The following CRYBG1 variants were observed in gnomAD, a reference collection of about 807,000 sequenced individuals.
The protein encoded by CRYBG1 is crystallin beta-gamma domain containing 1.
In CRYBG1, 139 loss-of-function variants were observed where a neutral mutation model predicts 189.2. That is an observed-to-expected ratio of 0.73 (90% CI 0.64 to 0.85). CRYBG1 has a LOEUF of 0.85. Among genes scored for constraint, CRYBG1 ranks in the 40% least tolerant of loss-of-function variants. The pLI is 0.00. For missense variants in CRYBG1, 2,611 were observed against 2,675.8 expected (o/e 0.98, Z 0.53); for synonymous variants, 1,023 against 1,017.1 (o/e 1.01, Z -0.11).
intron 1 of CRYBG1, among the ~76,000 whole-genome samples, chr6:106,399,654 CT>C (rs1178680070): frequency 1.1e-5 from 1 of 92,436 alleles, no homozygotes; most frequent in African/African-American, 4.4e-5. Flanking sequence ...TTTAGTTTTT[CT>C]TTCTTTTTTT....
At chr6:106,480,312 C>T (rs936402823) in intron 2 of CRYBG1, among the ~76,000 whole-genome samples, 2 of 151,986 alleles carry the variant, frequency 1.3e-5, no homozygotes, top group Non-Finnish European at 2.9e-5. Flanking sequence ...TGCTGGCTGG[C>T]CCTGTGACTA....
chr6:106,427,676 T>A lies in CRYBG1; in HGVS notation c.174-24018T>A, dbSNP rs1049134429. Among the ~76,000 whole-genome samples, 116 of 152,318 alleles carry A rather than the reference T, an allele frequency of 7.6e-4. 1 individual carries two copies. The highest frequency in any genetic ancestry group is 2.8e-3 in the African/African-American group (116 of 41,556). On this transcript the variant is annotated intron_variant, in intron 1 of 21. Coordinates refer to ENST00000633556, the MANE Select transcript of CRYBG1 (RefSeq NM_001371242.2). ...CTATGTATTAGAGAGATTCTTTTAT[T>A]TTTTTAATTAAAAAACATTTTTTTC...
At chr6:106,558,676 G>C (rs1197503372) in intron 18 of CRYBG1, 51 bp downstream of exon 18, 1 of 1,510,820 alleles carries the variant, frequency 6.6e-7, no homozygotes, top group South Asian at 1.3e-5. Flanking sequence ...TAAAAATCAA[G>C]TTTGGGCTGG....
At chr6:106,539,751 G>C (rs1032489306) in intron 9 of CRYBG1, among the ~76,000 whole-genome samples, 1 of 150,442 alleles carries the variant, frequency 6.6e-6, no homozygotes, top group African/African-American at 2.4e-5. Flanking sequence ...TTGTCTTTAA[G>C]GCATTCTCAG....
intron 1 of CRYBG1, among the ~76,000 whole-genome samples, chr6:106,386,808 A>G (rs969478202): frequency 1.3e-5 from 2 of 152,200 alleles, no homozygotes; most frequent in African/African-American, 4.8e-5. Flanking sequence ...CTTGCCTGTC[A>G]TTCACTTCCT....
chr6:106,378,117 C>A (rs1012801290), intron 1 of CRYBG1, among the ~76,000 whole-genome samples: 2 of 152,090 alleles, frequency 1.3e-5, no homozygotes, highest in African/African-American at 4.8e-5. Flanking sequence ...GCCCTGTCAC[C>A]CCCCGGTCAT....
At chr6:106,515,163 T>A (rs1264303790) in intron 3 of CRYBG1, among the ~76,000 whole-genome samples, 3 of 152,232 alleles carry the variant, frequency 2.0e-5, no homozygotes, top group Non-Finnish European at 4.4e-5. Context: ...ATGTTGAAAT[T>A]CTTAAAATGG....
At chr6:106,434,651 T>C (rs1367118183) in intron 1 of CRYBG1, among the ~76,000 whole-genome samples, 1 of 152,202 alleles carries the variant, frequency 6.6e-6, no homozygotes, top group African/African-American at 2.4e-5. Flanking sequence ...ACACAGTCTC[T>C]ATTGCAACTG....
chr6:106,433,731 ATATACATATATATGTATATATATATGTG>A (rs1358924800), intron 1 of CRYBG1, among the ~76,000 whole-genome samples: 1 of 53,358 alleles, frequency 1.9e-5, no homozygotes. Context: ...ATATATATAT[ATATACATATATATGTATATATATATGTG>A]TATATATATA....
At chr6:106,365,008 G>A (rs1771955131) in intron 1 of CRYBG1, among the ~76,000 whole-genome samples, 1 of 152,134 alleles carries the variant, frequency 6.6e-6, no homozygotes, top group African/African-American at 2.4e-5. Context: ...TCTTGCTTAT[G>A]CCTCCTTTGG....
chr6:106,513,174 A>G, intron 3 of CRYBG1, 135 bp downstream of exon 3: 1 of 1,109,032 alleles, frequency 9.0e-7, no homozygotes, highest in East Asian at 2.6e-5. Context: ...TGAACTTAAG[A>G]TAGTGAAGGG....
rs774714369 is a variant in CRYBG1, at chr6:106,551,822, C to A, written c.5313-30C>A. ...GATCGTTTTATATGTAAAATATGAA[C>A]TCCAACAAGTGATTGCTTTTGTTTC... On this transcript the variant is annotated intron_variant, in intron 13 of 21. Coordinates refer to ENST00000633556, the MANE Select transcript of CRYBG1 (RefSeq NM_001371242.2). The A allele has an allele frequency of 1.0e-5, 16 of 1,603,928 alleles. No individual in the cohort carries two copies. The East Asian group carries it at 3.6e-4, about 36-fold the overall frequency.
At chr6:106,527,209 T>C (rs1773759491) in intron 6 of CRYBG1, 96 bp from the exon 7 acceptor site, 1 of 987,188 alleles carries the variant, frequency 1.0e-6, no homozygotes, top group African/African-American at 1.7e-5. Flanking sequence ...TAATATTCTA[T>C]ATATATATAT....
At chr6:106,480,384 G>T (rs1196149426) in intron 2 of CRYBG1, among the ~76,000 whole-genome samples, 1 of 151,970 alleles carries the variant, frequency 6.6e-6, no homozygotes, top group Non-Finnish European at 1.5e-5. Flanking sequence ...GAAATTGTGG[G>T]CCGGGCGCGG....
chr6:106,380,202 T>C (rs1040250073), intron 1 of CRYBG1, among the ~76,000 whole-genome samples: 2 of 152,248 alleles, frequency 1.3e-5, no homozygotes, highest in African/African-American at 4.8e-5. Context: ...TTCAGTTTTT[T>C]TCTTAAGTGG....
rs1345009899 is a variant in CRYBG1, at chr6:106,451,680, T to C, written c.174-14T>C. 9.1e-6 allele frequency: 14 copies of C among 1,530,510 alleles called. No individual in the cohort carries two copies. In the African/African-American group the frequency reaches 1.2e-4, roughly 13 times the overall value. 94.8% of individuals were successfully genotyped at this position (1,530,510 alleles called of 1,614,324 possible). A position where few individuals can be genotyped will look rare whatever the true frequency, so the allele number is the denominator to read the frequency against. On this transcript the variant is annotated splice_polypyrimidine_tract_variant and intron_variant, in intron 1 of 21. Coordinates refer to ENST00000633556, the MANE Select transcript of CRYBG1 (RefSeq NM_001371242.2). ...CATAGTGTATTGACATGACTGTGGTTCCGTTCTTTGCAGAGCTTTGGATGT... is the reference window on the plus strand; with the variant it reads ...CATAGTGTATTGACATGACTGTGGTCCCGTTCTTTGCAGAGCTTTGGATGT...
intron 1 of CRYBG1, among the ~76,000 whole-genome samples, chr6:106,396,845 C>G (rs903461983): frequency 6.6e-6 from 1 of 152,162 alleles, no homozygotes; most frequent in African/African-American, 2.4e-5. Flanking sequence ...TCACACCCAG[C>G]TAATTTTTGT....
At chr6:106,377,647 A>ATATATATATATATATATATAT (rs1562290499) in intron 1 of CRYBG1, among the ~76,000 whole-genome samples, 1 of 144,166 alleles carries the variant, frequency 6.9e-6, no homozygotes, top group African/African-American at 2.7e-5. Flanking sequence ...ATATATATAT[A>ATATATATATATATATATATAT]TTTTCATTTG....
At chr6:106,405,769 C>A (rs968618326) in intron 1 of CRYBG1, among the ~76,000 whole-genome samples, 2 of 152,206 alleles carry the variant, frequency 1.3e-5, no homozygotes, top group African/African-American at 4.8e-5. Context: ...CTCCAGCAAA[C>A]GTGCAGCAGT....
Sources: gnomAD v4.1 joint callset for allele counts (sites outside exome capture counted in the v4.1 genomes callset) on GRCh38, gnomAD v4.1.1 for gene constraint, MANE v1.5 for transcripts, NCBI Gene and HGNC (gene_info 2026-07-23, HGNC 2026-07-21) for gene names.